The following GALNT18 variants were observed in gnomAD, a reference collection of about 807,000 sequenced individuals.
GALNT18 encodes the protein GalNAc-transferase 18.
Under a neutral mutation model 69.5 loss-of-function variants are expected in GALNT18, and 44 were observed. The observed-to-expected ratio is 0.63, with a 90% CI of 0.50 to 0.81. GALNT18 has a LOEUF of 0.81. Ranked by LOEUF, GALNT18 falls within the 40% of genes least tolerant of loss-of-function variation. The probability of loss-of-function intolerance (pLI) is 0.00; values close to 1 mark genes in which losing one functional copy is unlikely to be tolerated. For missense variants in GALNT18, 715 were observed against 810.0 expected (o/e 0.88, Z 1.42); for synonymous variants, 364 against 318.2 (o/e 1.14, Z -1.53).
At chr11:11,380,328 C>T (rs1162824565) in intron 3 of GALNT18, among the ~76,000 whole-genome samples, 1 of 152,246 alleles carries the variant, frequency 6.6e-6, no homozygotes, top group African/African-American at 2.4e-5. Flanking sequence ...CTAAGGACTT[C>T]TCTAGGTCAA....
Position 11,315,038 on chromosome 11 carries a change from ATGTGTG to A in GALNT18, c.1512+12042_1512+12047del, listed in dbSNP as rs10537962. Among the ~76,000 whole-genome samples the A allele has an allele frequency of 7.0e-3, 1,056 of 150,198 alleles. 12 individuals are homozygous for A. Among genetic ancestry groups the A allele is most frequent in the African/African-American group, 0.024 (993 of 40,870 alleles). On this transcript the variant is annotated intron_variant, in intron 9 of 10. Coordinates refer to ENST00000227756, the MANE Select transcript of GALNT18 (RefSeq NM_198516.3). The surrounding 1 kb of genome is among the most constrained non-coding windows in gnomAD (Gnocchi z 5.6). Reference sequence around the variant, plus strand: ...GCAGAGATGGACACATACTAATTATATGTGTGTGTGTGTGTGTGTGTGTGTATGTGT... The same window carrying A: ...GCAGAGATGGACACATACTAATTATATGTGTGTGTGTGTGTGTGTATGTGT...
chr11:11,400,823 G>A (rs1854444934), intron 3 of GALNT18, among the ~76,000 whole-genome samples: 1 of 151,912 alleles, frequency 6.6e-6, no homozygotes, highest in Non-Finnish European at 1.5e-5. Context: ...TGGTGATGGA[G>A]TAGGTGTCTA....
intron 1 of GALNT18, among the ~76,000 whole-genome samples, chr11:11,484,647 G>A (rs1856605670): frequency 6.6e-6 from 1 of 150,612 alleles, no homozygotes; most frequent in Admixed American, 6.6e-5. Context: ...AAAGCCCCCA[G>A]GGGTCTCTCT....
intron 1 of GALNT18, among the ~76,000 whole-genome samples, chr11:11,487,895 C>A (rs763042036): frequency 5.3e-5 from 8 of 152,172 alleles, no homozygotes; most frequent in Admixed American, 1.3e-4. Context: ...GCCCCTAGTG[C>A]AAATTCCTGC....
intron 1 of GALNT18, among the ~76,000 whole-genome samples, chr11:11,518,525 G>T (rs1046875924): frequency 1.3e-5 from 2 of 152,164 alleles, no homozygotes; most frequent in African/African-American, 2.4e-5. Context: ...TACCAGGGTT[G>T]GTTTTCTACT....
chr11:11,591,205 AG>A lies in GALNT18; in HGVS notation c.235+30153del, dbSNP rs1379427158. 1.3e-5 allele frequency among the ~76,000 whole-genome samples: 2 copies of A among 150,204 alleles called. No individual in the cohort carries two copies. Among genetic ancestry groups the A allele is most frequent in the Non-Finnish European group, 3.0e-5 (2 of 67,772 alleles). On this transcript the variant is annotated intron_variant, in intron 1 of 10. Coordinates refer to ENST00000227756, the MANE Select transcript of GALNT18 (RefSeq NM_198516.3). This position sits in a 1 kb window ranked among gnomAD's most constrained non-coding sequence, Gnocchi z 4.8. ...GTGTGTTAGTTTTTAAGCCTTTTTA[AG>A]GCCTTTTTAAGGCTTTGTAAGGCTT...
chr11:11,562,349 C>A lies in GALNT18; in HGVS notation c.235+59010G>T, dbSNP rs1858531497. Among the ~76,000 whole-genome samples, 1 of 152,106 alleles carries A rather than the reference C, an allele frequency of 6.6e-6. No homozygotes were observed. The highest frequency in any genetic ancestry group is 6.5e-5 in the Admixed American group (1 of 15,272). On this transcript the variant is annotated intron_variant, in intron 1 of 10. Transcript: ENST00000227756. This position sits in a 1 kb window ranked among gnomAD's most constrained non-coding sequence, Gnocchi z 4.1. ...CATGTTTCCCCTTTAGATGTGCACACCCGTCATATTGGATTGGGGCCCACC... is the reference window on the plus strand; with the variant it reads ...CATGTTTCCCCTTTAGATGTGCACAACCGTCATATTGGATTGGGGCCCACC...
intron 9 of GALNT18, among the ~76,000 whole-genome samples, chr11:11,295,142 G>A (rs1054627246): frequency 6.6e-6 from 1 of 152,206 alleles, no homozygotes; most frequent in South Asian, 2.1e-4. Flanking sequence ...GTGAGTAAGC[G>A]TGGTCCTTCA....
chr11:11,316,684 C>T (rs1463464458), intron 9 of GALNT18, among the ~76,000 whole-genome samples: 1 of 152,196 alleles, frequency 6.6e-6, no homozygotes, highest in Non-Finnish European at 1.5e-5. Flanking sequence ...AGCACTCCCC[C>T]AAAAACCCTG....
intron 1 of GALNT18, among the ~76,000 whole-genome samples, chr11:11,611,334 A>G (rs912706400): frequency 1.3e-5 from 2 of 152,160 alleles, no homozygotes; most frequent in African/African-American, 4.8e-5. Context: ...AAACCAGAGA[A>G]TGCCAAAGCG....
chr11:11,332,624 C>A lies in GALNT18; in HGVS notation c.1416+70G>T. On this transcript the variant is annotated intron_variant, in intron 8 of 10. Transcript: ENST00000227756. The surrounding 1 kb of genome is among the most constrained non-coding windows in gnomAD (Gnocchi z 4.3). ...GAGCAGCTGAGAGGCTCTTTCCCTC[C>A]TCTCCCTTTCTTCACTATGTTTCTT... The A allele has an allele frequency of 6.4e-7, 1 of 1,568,622 alleles. No individual in the cohort carries two copies. Among genetic ancestry groups the A allele is most frequent in the East Asian group, 2.3e-5 (1 of 44,186 alleles).
intron 1 of GALNT18, among the ~76,000 whole-genome samples, chr11:11,529,636 T>C (rs887412254): frequency 2.1e-5 from 3 of 141,264 alleles, no homozygotes; most frequent in African/African-American, 7.5e-5. Context: ...TATATATATA[T>C]ATACACACAC....
At position 11,315,892 on chromosome 11, in the gene GALNT18, T is replaced by C. The variant is rs1849742725; in HGVS notation, c.1512+11194A>G. Among the ~76,000 whole-genome samples the C allele has an allele frequency of 6.7e-6, 1 of 150,154 alleles. No individual in the cohort carries two copies. The highest frequency in any genetic ancestry group is 6.6e-5 in the Admixed American group (1 of 15,050). On this transcript the variant is annotated intron_variant, in intron 9 of 10. Transcript: ENST00000227756. This position sits in a 1 kb window ranked among gnomAD's most constrained non-coding sequence, Gnocchi z 5.6. ...AAACAACCATCCTGCACCGAGAAAC[T>C]GAACGTGTGACAAACAGAAGCTGAG...
intron 10 of GALNT18, among the ~76,000 whole-genome samples, chr11:11,287,542 CCT>C (rs1455741479): frequency 6.6e-6 from 1 of 152,046 alleles, no homozygotes; most frequent in African/African-American, 2.4e-5. Flanking sequence ...TGACCAAATG[CCT>C]CTTTTTTCAC....
In GALNT18 at chr11:11,602,896, C is replaced by T. The variant is rs751788317; in HGVS notation, c.235+18463G>A. ...AAGAGCTTTGTGCTGCTTCCAGGTA[C>T]AGGAGTCAAAATGGGTGGTAAACTT... On this transcript the variant is annotated intron_variant, in intron 1 of 10. Transcript: ENST00000227756. This position sits in a 1 kb window ranked among gnomAD's most constrained non-coding sequence, Gnocchi z 4.7. Among the ~76,000 whole-genome samples the T allele has an allele frequency of 2.0e-5, 3 of 152,146 alleles. No homozygotes were observed. The highest frequency in any genetic ancestry group is 2.1e-4 in the South Asian group (1 of 4,832).
chr11:11,418,360 C>G lies in GALNT18; in HGVS notation c.595+14261G>C, dbSNP rs147620050. Among the ~76,000 whole-genome samples the G allele has an allele frequency of 6.6e-5, 10 of 152,342 alleles. No individual in the cohort carries two copies. In the East Asian group the frequency reaches 1.5e-3, roughly 23 times the overall value. ...AAGCCATGTGTAAATATGCCTGGCA[C>G]AGTGCTTGGAACACAGCAGGTACCT... On this transcript the variant is annotated intron_variant, in intron 3 of 10. Transcript: ENST00000227756.
chr11:11,279,964 A>AG (rs1331741330), intron 10 of GALNT18, among the ~76,000 whole-genome samples: 1 of 151,890 alleles, frequency 6.6e-6, no homozygotes, highest in African/African-American at 2.4e-5. Context: ...TGAAGGAGGC[A>AG]GGGACTGAGA....
At chr11:11,585,354 C>CTTT (rs796771821) in intron 1 of GALNT18, among the ~76,000 whole-genome samples, 2 of 138,372 alleles carry the variant, frequency 1.4e-5, no homozygotes, top group African/African-American at 2.7e-5. Flanking sequence ...GAAGAAAAAT[C>CTTT]TTTTTTTTTT....
chr11:11,279,009 T>G (rs1849009565), intron 10 of GALNT18, among the ~76,000 whole-genome samples: 1 of 152,200 alleles, frequency 6.6e-6, no homozygotes. Context: ...AGTCTGGATA[T>G]TTGTTGAATG....
Sources: gnomAD v4.1 joint callset for allele counts (sites outside exome capture counted in the v4.1 genomes callset) on GRCh38, gnomAD v4.1.1 for gene constraint, Gnocchi (gnomAD v3.1) non-coding constraint, MANE v1.5 for transcripts, NCBI Gene and HGNC (gene_info 2026-07-23, HGNC 2026-07-21) for gene names.